SH3BP4: variants seen among roughly 807,000 people sequenced by gnomAD.
SH3BP4 encodes the protein SH3 domain binding protein 4.
In SH3BP4, 33 loss-of-function variants were observed where a neutral mutation model predicts 65.5. The ratio of observed to expected loss-of-function variants is 0.50; its 90% CI spans 0.38 to 0.67. The LOEUF (loss-of-function observed/expected upper bound fraction) is 0.67. SH3BP4 is among the 30% of genes least tolerant of loss of function. The probability of loss-of-function intolerance (pLI) is 0.00; values close to 1 mark genes in which losing one functional copy is unlikely to be tolerated. For synonymous variants in SH3BP4, 552 were observed against 545.5 expected (o/e 1.01, Z -0.17); for missense variants, 1,134 against 1,261.4 (o/e 0.90, Z 1.53).
chr2:234,998,487 AG>A (rs1437439927), intron 2 of SH3BP4, among the ~76,000 whole-genome samples: 2 of 152,252 alleles, frequency 1.3e-5, no homozygotes. Flanking sequence ...GAAAGTCTTC[AG>A]GGGTCACGTC....
At chr2:234,988,210 C>T (rs1693631290) in intron 1 of SH3BP4, among the ~76,000 whole-genome samples, 1 of 152,122 alleles carries the variant, frequency 6.6e-6, no homozygotes, top group Non-Finnish European at 1.5e-5. Flanking sequence ...TGGGCGCCCA[C>T]CACCACGCCT....
intron 4 of SH3BP4, among the ~76,000 whole-genome samples, chr2:235,051,564 G>T (rs1353681569): frequency 6.6e-6 from 1 of 152,106 alleles, no homozygotes; most frequent in Admixed American, 6.5e-5. Context: ...ACAGTAGAAA[G>T]TTCTTGCAGC....
intron 1 of SH3BP4, among the ~76,000 whole-genome samples, chr2:234,992,963 A>G (rs1321582061): frequency 6.6e-6 from 1 of 151,372 alleles, no homozygotes; most frequent in Non-Finnish European, 1.5e-5. Flanking sequence ...TCTGGGCAGC[A>G]CCTGGAGATG....
intron 4 of SH3BP4, among the ~76,000 whole-genome samples, chr2:235,051,625 C>A (rs1206981434): frequency 6.6e-6 from 1 of 152,040 alleles, no homozygotes; most frequent in East Asian, 1.9e-4. Context: ...TCTCATGTTG[C>A]ACAGTCCTGG....
chr2:234,987,145 C>T (rs145364936), intron 1 of SH3BP4, among the ~76,000 whole-genome samples: 2 of 152,136 alleles, frequency 1.3e-5, no homozygotes, highest in Admixed American at 6.5e-5. Flanking sequence ...AGGCCCACCC[C>T]AGACCTACAG....
In SH3BP4 at chr2:235,042,996, C is replaced by G. The variant is rs372293015; in HGVS notation, c.2227C>G (p.Gln743Glu). 2.5e-5 allele frequency: 40 copies of G among 1,610,860 alleles called. No homozygotes were observed. In the African/African-American group the frequency reaches 4.9e-4, roughly 20 times the overall value. The change falls in exon 4 of 6, where the codon CAG (glutamine) becomes GAG (glutamate). Residue 743 changes from glutamine to glutamate, a missense_variant. Coordinates refer to ENST00000392011, the MANE Select transcript of SH3BP4 (RefSeq NM_014521.3). The surrounding 1 kb of genome is among the most constrained non-coding windows in gnomAD (Gnocchi z 7.3). ...PELSTSVLLE[Q>E]ILRPCKFLTY... is the part of the protein sequence containing the mutation. ...GCTGAGCACCTCGGTGCTGCTGGAG[C>G]AGATCCTGCGGCCCTGCAAATTCCT... is the stretch of plus-strand genomic sequence containing the variant.
At chr2:235,036,220 A>G (rs1399501048) in intron 3 of SH3BP4, among the ~76,000 whole-genome samples, 6 of 152,190 alleles carry the variant, frequency 3.9e-5, no homozygotes, top group Non-Finnish European at 8.8e-5. Context: ...ATTGCTGTAA[A>G]TGTTCTTTAA....
Position 235,041,411 on chromosome 2 carries a change from C to T in SH3BP4, c.642C>T (p.Gly214=). The change falls in exon 4 of 6, where the codon GGC becomes GGT. Residue 214 remains glycine (G), a synonymous_variant. Coordinates refer to ENST00000392011, the MANE Select transcript of SH3BP4 (RefSeq NM_014521.3). The surrounding 1 kb of genome is among the most constrained non-coding windows in gnomAD (Gnocchi z 6.0). Reference sequence around the variant, plus strand: ...GCTCAGCCACCACGAATAGCACTGGCAACATCTTCGATGAGCTTCCAGTCA... The same window carrying T: ...GCTCAGCCACCACGAATAGCACTGGTAACATCTTCGATGAGCTTCCAGTCA... The part of the protein sequence containing the change: ...ESSSATTNST[G]NIFDELPVTN... 2 of 1,614,194 alleles carry T rather than the reference C, an allele frequency of 1.2e-6. No homozygotes were observed. Among genetic ancestry groups the T allele is most frequent in the South Asian group, 2.2e-5 (2 of 91,080 alleles).
rs554884501 is a variant in SH3BP4 at position 234,955,081 on chromosome 2, A to G, written c.-207+2911A>G. Among the ~76,000 whole-genome samples, 29 of 152,232 alleles carry G rather than the reference A, an allele frequency of 1.9e-4. No individual in the cohort carries two copies. In the South Asian group the frequency reaches 6.0e-3, roughly 32 times the overall value. ...CTGTGTTGTGATTTTTCTTCTGCAA[A>G]TTGGACTCAGGCCCCTGGGACATTT... On this transcript the variant is annotated intron_variant, in intron 1 of 5. Transcript: ENST00000392011.
chr2:234,975,810 A>C (rs1022212313), intron 1 of SH3BP4, among the ~76,000 whole-genome samples: 4 of 152,148 alleles, frequency 2.6e-5, no homozygotes, highest in African/African-American at 9.7e-5. Flanking sequence ...CAGGAGATTG[A>C]GGCTGCAGTG....
intron 2 of SH3BP4, among the ~76,000 whole-genome samples, chr2:235,011,089 A>G (rs1343207947): frequency 6.8e-6 from 1 of 148,006 alleles, no homozygotes; most frequent in Non-Finnish European, 1.5e-5. Context: ...TCCCTCTTCT[A>G]GAACCCTTCC....
intron 1 of SH3BP4, among the ~76,000 whole-genome samples, chr2:234,954,016 G>T (rs1387218392): frequency 6.6e-6 from 1 of 151,834 alleles, no homozygotes; most frequent in African/African-American, 2.4e-5. Context: ...GGAATGCCCG[G>T]GCCGTGCTTA....
intron 2 of SH3BP4, among the ~76,000 whole-genome samples, chr2:235,000,825 C>T (rs1016835420): frequency 2.0e-5 from 3 of 152,254 alleles, no homozygotes; most frequent in African/African-American, 7.2e-5. Context: ...GGCCTGTCCC[C>T]ACTGCCAGCA....
Position 235,042,649 on chromosome 2 carries a change from A to C in SH3BP4, c.1880A>C (p.Lys627Thr). The part of the protein sequence containing the change: ...IKPSGQRRFL[K>T]KNEVGKIILS... ...CCTTCCGGGCAAAGGAGGTTTCTCA[A>C]GAAGAACGAAGTCGGGAAAATCATC... Residue 627 changes from lysine (K) to threonine (T), a missense_variant, in exon 4 of 6, where the codon AAG (lysine) becomes ACG (threonine). Transcript: ENST00000392011. This position sits in a 1 kb window ranked among gnomAD's most constrained non-coding sequence, Gnocchi z 7.3. 6.2e-7 allele frequency: 1 copy of C among 1,614,128 alleles called. No individual in the cohort carries two copies. The highest frequency in any genetic ancestry group is 8.5e-7 in the Non-Finnish European group (1 of 1,180,018).
intron 3 of SH3BP4, among the ~76,000 whole-genome samples, chr2:235,038,356 A>ATTT (rs1559254477): frequency 8.2e-5 from 1 of 12,160 alleles, no homozygotes; most frequent in African/African-American, 1.9e-4. Flanking sequence ...TATTTTATAT[A>ATTT]TATATATATA....
chr2:234,956,674 C>T (rs1419169052), intron 1 of SH3BP4, among the ~76,000 whole-genome samples: 2 of 151,886 alleles, frequency 1.3e-5, no homozygotes, highest in Non-Finnish European at 2.9e-5. Context: ...CTTCCTCAGC[C>T]TCCTGAGTAG....
intron 2 of SH3BP4, chr2:234,995,798 G>C (rs1693896458): frequency 6.6e-6 from 1 of 152,518 alleles, no homozygotes; most frequent in East Asian, 1.9e-4. Flanking sequence ...AGGTTGGGTG[G>C]TGTGTACACA....
At chr2:235,011,137 AGAACCC>A (rs1694487226) in intron 2 of SH3BP4, among the ~76,000 whole-genome samples, 2 of 120,870 alleles carry the variant, frequency 1.7e-5, no homozygotes, top group African/African-American at 9.4e-5. Context: ...CTCTCCTAGG[AGAACCC>A]TTCCTCCCTC....
chr2:235,017,386 C>T (rs1694720390), intron 2 of SH3BP4, among the ~76,000 whole-genome samples: 1 of 146,804 alleles, frequency 6.8e-6, no homozygotes, highest in Non-Finnish European at 1.5e-5. Context: ...GCAGAGGTTG[C>T]AGTGAGCTGA....
Sources: gnomAD v4.1 joint callset for allele counts (sites outside exome capture counted in the v4.1 genomes callset) on GRCh38, gnomAD v4.1.1 for gene constraint, Gnocchi (gnomAD v3.1) non-coding constraint, MANE v1.5 for transcripts, NCBI Gene and HGNC (gene_info 2026-07-23, HGNC 2026-07-21) for gene names.